CA12: variants seen among roughly 807,000 people sequenced by gnomAD.
CA12 encodes carbonic anhydrase 12.
CA12 carries 36 observed loss-of-function variants against 46.8 expected under a neutral mutation model. The observed-to-expected ratio is 0.77, with a 90% CI of 0.59 to 1.02. The LOEUF (loss-of-function observed/expected upper bound fraction) is 1.02. CA12 is among the 50% of genes least tolerant of loss of function. The pLI, the probability that CA12 is intolerant of heterozygous loss-of-function variation, is 0.00. For synonymous variants in CA12, 202 were observed against 187.0 expected (o/e 1.08, Z -0.65); for missense variants, 436 against 451.4 (o/e 0.97, Z 0.31).
intron 2 of CA12, among the ~76,000 whole-genome samples, chr15:63,347,531 G>A (rs1239609047): frequency 6.6e-6 from 1 of 152,096 alleles, no homozygotes; most frequent in Non-Finnish European, 1.5e-5. Context: ...CAGTGAAGAG[G>A]AACAGACTTT....
rs2038881181 is a variant in CA12 at position 63,327,375 on chromosome 15, G to A, written c.908-142C>T. 4.0e-6 allele frequency: 3 copies of A among 756,140 alleles called. No homozygotes were observed. Among genetic ancestry groups the A allele is most frequent in the Non-Finnish European group, 6.9e-6 (3 of 433,880 alleles). 46.8% of individuals were successfully genotyped at this position (756,140 alleles called of 1,614,324 possible). A position where few individuals can be genotyped will look rare whatever the true frequency, so the allele number is the denominator to read the frequency against. On this transcript the variant is annotated intron_variant, in intron 9 of 10. Coordinates refer to ENST00000178638, the MANE Select transcript of CA12 (RefSeq NM_001218.5). This position sits in a 1 kb window ranked among gnomAD's most constrained non-coding sequence, Gnocchi z 4.5. ...TTCCCCATCCCTGTTCTCAGATTCT[G>A]GTCTTTGGCTTAGTGGGACTGGCTG...
chr15:63,356,039 G>A (rs1014971982), intron 2 of CA12, among the ~76,000 whole-genome samples: 3 of 152,214 alleles, frequency 2.0e-5, no homozygotes, highest in African/African-American at 7.2e-5. Flanking sequence ...TTTTTATTCA[G>A]TGTTGACCAT....
chr15:63,379,942 C>G (rs529771321), intron 1 of CA12, among the ~76,000 whole-genome samples: 3 of 152,338 alleles, frequency 2.0e-5, no homozygotes, highest in African/African-American at 7.2e-5. Context: ...TGACATTGTT[C>G]TTGAACATTC....
At chr15:63,353,640 A>G (rs2039261096) in intron 2 of CA12, among the ~76,000 whole-genome samples, 1 of 152,156 alleles carries the variant, frequency 6.6e-6, no homozygotes, top group South Asian at 2.1e-4. Context: ...CAGGACTCAG[A>G]GGGGACCGCA....
At chr15:63,356,273 G>T (rs905732296) in intron 2 of CA12, among the ~76,000 whole-genome samples, 17 of 152,070 alleles carry the variant, frequency 1.1e-4, no homozygotes, top group Admixed American at 2.0e-4. Context: ...TACGCCTGTA[G>T]TCCCAGCTAC....
intron 2 of CA12, among the ~76,000 whole-genome samples, chr15:63,356,685 G>A (rs1162719590): frequency 6.6e-6 from 1 of 152,014 alleles, no homozygotes; most frequent in Non-Finnish European, 1.5e-5. Context: ...ACCACACCCA[G>A]CTAATTTTTG....
intron 2 of CA12, 99 bp downstream of exon 2, chr15:63,375,559 A>C: frequency 1.2e-6 from 1 of 810,406 alleles, no homozygotes; most frequent in East Asian, 2.7e-5. Flanking sequence ...CCGACCCTTC[A>C]AAATCACCTC....
chr15:63,333,731 G>C (rs1314338656), intron 8 of CA12, among the ~76,000 whole-genome samples: 1 of 152,158 alleles, frequency 6.6e-6, no homozygotes, highest in African/African-American at 2.4e-5. Context: ...AAATTGCCCA[G>C]GTCTAGGCTT....
In CA12 at chr15:63,328,185, T is replaced by G; in HGVS notation, c.875-55A>C. 1 of 1,515,888 alleles carries G rather than the reference T, an allele frequency of 6.6e-7. No homozygotes were observed. Among genetic ancestry groups the G allele is most frequent in the Non-Finnish European group, 9.2e-7 (1 of 1,090,824 alleles). 93.9% of individuals were successfully genotyped at this position (1,515,888 alleles called of 1,614,324 possible). A position where few individuals can be genotyped will look rare whatever the true frequency, so the allele number is the denominator to read the frequency against. On this transcript the variant is annotated intron_variant, in intron 8 of 10. Coordinates refer to ENST00000178638, the MANE Select transcript of CA12 (RefSeq NM_001218.5). This position sits in a 1 kb window ranked among gnomAD's most constrained non-coding sequence, Gnocchi z 5.9. ...ACTCTAGAGTCAAACCACACTGGATTTGAGCAGCGTGTTGAGAGACGCTCT... is the reference window on the plus strand; with the variant it reads ...ACTCTAGAGTCAAACCACACTGGATGTGAGCAGCGTGTTGAGAGACGCTCT...
chr15:63,353,543 G>C (rs1208494312), intron 2 of CA12, among the ~76,000 whole-genome samples: 2 of 152,144 alleles, frequency 1.3e-5, no homozygotes, highest in Non-Finnish European at 2.9e-5. Context: ...AGGTCTTCCT[G>C]TTGGGAGGCT....
In CA12 at chr15:63,345,867, G is replaced by A. The variant is rs1201609500; in HGVS notation, c.287-248C>T. Among the ~76,000 whole-genome samples, 1 of 152,210 alleles carries A rather than the reference G, an allele frequency of 6.6e-6. No individual in the cohort carries two copies. The highest frequency in any genetic ancestry group is 2.4e-5 in the African/African-American group (1 of 41,450). The stretch of plus-strand genomic sequence containing the variant: ...ACCAGCACCTTCTTGGTTCACCTTG[G>A]AAAGTGATGCCAGAAACGCTAACAC... On this transcript the variant is annotated intron_variant, in intron 3 of 10. Coordinates refer to ENST00000178638, the MANE Select transcript of CA12 (RefSeq NM_001218.5). The surrounding 1 kb of genome is among the most constrained non-coding windows in gnomAD (Gnocchi z 4.3).
At chr15:63,350,498 C>G (rs1223538205) in intron 2 of CA12, among the ~76,000 whole-genome samples, 1 of 152,210 alleles carries the variant, frequency 6.6e-6, no homozygotes, top group Non-Finnish European at 1.5e-5. Flanking sequence ...GGTTGGACTC[C>G]TCCCATGATC....
rs1177429576 is a variant in CA12 at position 63,327,878 on chromosome 15, C to T, written c.907+220G>A. 2.0e-5 allele frequency among the ~76,000 whole-genome samples: 3 copies of T among 152,322 alleles called. No individual in the cohort carries two copies. The highest frequency in any genetic ancestry group is 1.9e-4 in the East Asian group (1 of 5,188). ...AAGTCTTAGATAGGTTCTTTGAATA[C>T]ACACATGCTGTAGAGTGATTGGATC... is the stretch of plus-strand genomic sequence containing the variant. On this transcript the variant is annotated intron_variant, in intron 9 of 10. Coordinates refer to ENST00000178638, the MANE Select transcript of CA12 (RefSeq NM_001218.5). The surrounding 1 kb of genome is among the most constrained non-coding windows in gnomAD (Gnocchi z 4.5).
At chr15:63,376,557 C>CCTTTCTTTCTTTCTTTCTTTCTTT (rs66768055) in intron 1 of CA12, among the ~76,000 whole-genome samples, 10,017 of 104,374 alleles carry the variant, frequency 0.096, 969 homozygotes, top group Non-Finnish European at 0.11. Flanking sequence ...CTCTTTCTTT[C>CCTTTCTTTCTTTCTTTCTTTCTTT]CTTTCTTTCT....
chr15:63,376,307 C>A (rs1229859838), intron 1 of CA12, among the ~76,000 whole-genome samples: 2 of 152,264 alleles, frequency 1.3e-5, no homozygotes, highest in Non-Finnish European at 2.9e-5. Flanking sequence ...GCTCAAAACC[C>A]AAAAGCCATC....
At chr15:63,343,279 CTTT>C (rs35290345) in intron 4 of CA12, among the ~76,000 whole-genome samples, 3 of 98,772 alleles carry the variant, frequency 3.0e-5, no homozygotes, top group Non-Finnish European at 1.9e-5. Context: ...TAGAAAGAAT[CTTT>C]TTTTTTTTTT....
Position 63,341,091 on chromosome 15 carries a change from A to G in CA12, c.526-308T>C, listed in dbSNP as rs546736883. Among the ~76,000 whole-genome samples, 9 of 152,206 alleles carry G rather than the reference A, an allele frequency of 5.9e-5. No homozygotes were observed. The highest frequency in any genetic ancestry group is 1.2e-4 in the Non-Finnish European group (8 of 68,046). On this transcript the variant is annotated intron_variant, in intron 5 of 10. Transcript: ENST00000178638. This position sits in a 1 kb window ranked among gnomAD's most constrained non-coding sequence, Gnocchi z 5.2. Reference sequence around the variant, plus strand: ...GAAGGCTTTGACTAACATCCATGTCACACAGAACTTAAGGAGCTCTGAGTT... The same window carrying G: ...GAAGGCTTTGACTAACATCCATGTCGCACAGAACTTAAGGAGCTCTGAGTT...
Position 63,348,968 on chromosome 15 carries a change from G to A in CA12, c.107-2259C>T, listed in dbSNP as rs1256723901. Among the ~76,000 whole-genome samples, 3 of 152,186 alleles carry A rather than the reference G, an allele frequency of 2.0e-5. No homozygotes were observed. Among genetic ancestry groups the A allele is most frequent in the Non-Finnish European group, 4.4e-5 (3 of 68,040 alleles). The stretch of plus-strand genomic sequence containing the variant: ...TTAGGACCAAATAAGGTATTTGGGG[G>A]GCAGGAAAGACTAAGGATATTAAAG... On this transcript the variant is annotated intron_variant, in intron 2 of 10. Transcript: ENST00000178638. This position sits in a 1 kb window ranked among gnomAD's most constrained non-coding sequence, Gnocchi z 4.6.
chr15:63,344,801 A>G (rs1258537795), intron 4 of CA12, among the ~76,000 whole-genome samples: 4 of 151,806 alleles, frequency 2.6e-5, no homozygotes, highest in African/African-American at 9.7e-5. Flanking sequence ...TCCTTGCCCC[A>G]CCCCATCCTG....
Sources: gnomAD v4.1 joint callset for allele counts (sites outside exome capture counted in the v4.1 genomes callset) on GRCh38, gnomAD v4.1.1 for gene constraint, Gnocchi (gnomAD v3.1) non-coding constraint, MANE v1.5 for transcripts, NCBI Gene and HGNC (gene_info 2026-07-23, HGNC 2026-07-21) for gene names.